Variants in SERPIND1 observed in about 807,000 individuals in gnomAD.
The protein encoded by SERPIND1 is heparin cofactor 2.
SERPIND1 carries 34 observed loss-of-function variants against 35.0 expected under a neutral mutation model. The observed-to-expected ratio is 0.97, with a 90% confidence interval of 0.74 to 1.29. The LOEUF (loss-of-function observed/expected upper bound fraction) is 1.29, where lower values mean the gene tolerates loss of function less well. Ranked by LOEUF, SERPIND1 falls within the 50% of genes most tolerant of loss-of-function variation. The pLI, the probability that SERPIND1 is intolerant of heterozygous loss-of-function variation, is 0.00. For synonymous variants in SERPIND1, 236 were observed against 241.1 expected, an observed-to-expected ratio of 0.98 and a Z score of 0.19; for missense variants, 633 against 637.7, an observed-to-expected ratio of 0.99 and a Z score of 0.08.
In SERPIND1 at chr22:20,787,301, G is replaced by A. The variant is rs1291009605; in HGVS notation, c.*235G>A. 1.3e-5 allele frequency: 7 copies of A among 554,030 alleles called. No individual in the cohort carries two copies. The highest frequency in any genetic ancestry group is 2.3e-5 in the Non-Finnish European group (7 of 307,742). The allele number at this position is 554,030 out of a possible 1,614,324, so 34.3% of individuals were successfully genotyped here. On this transcript the variant is annotated 3_prime_UTR_variant, in exon 5 of 5. Transcript: ENST00000215727. ...AAGTCACTGTAACTGTAGTGTGTCT[G>A]CTGTTACCTAGAGGGTCTCACCTCC...
chr22:20,784,025 C>T lies in SERPIND1; in HGVS notation c.943C>T (p.Leu315=). 1 of 1,614,152 alleles carries T rather than the reference C, an allele frequency of 6.2e-7. No individual in the cohort carries two copies. The highest frequency in any genetic ancestry group is 1.3e-5 in the African/African-American group (1 of 75,030). ...AATGACACACAACCACAACTTCCGG[C>T]TGAATGAGAGAGAGGTAGTTAAGGT... ...VEMTHNHNFR[L]NEREVVKVSM... is the part of the protein sequence containing the mutation. Residue 315 remains leucine (L), a synonymous_variant, in exon 3 of 5, where the codon CTG becomes TTG. Coordinates refer to ENST00000215727, the MANE Select transcript of SERPIND1 (RefSeq NM_000185.4).
rs144524371 is a variant in SERPIND1 at position 20,787,273 on chromosome 22, T to C, written c.*207T>C. The stretch of plus-strand genomic sequence containing the variant: ...CACAATAGCCCATGCTGTAAGCTCA[T>C]AGAAGTCACTGTAACTGTAGTGTGT... On this transcript the variant is annotated 3_prime_UTR_variant, in exon 5 of 5. Coordinates refer to ENST00000215727, the MANE Select transcript of SERPIND1 (RefSeq NM_000185.4). The C allele has an allele frequency of 9.2e-3, 5,525 of 601,660 alleles. 57 individuals carry two copies. Among genetic ancestry groups the C allele is most frequent in the Admixed American group, 0.022 (827 of 37,188 alleles). The allele number at this position is 601,660 out of a possible 1,614,324, so 37.3% of individuals were successfully genotyped here. A position where few individuals can be genotyped will look rare whatever the true frequency, so the allele number is the denominator to read the frequency against.
rs903455323 is a variant in SERPIND1 at position 20,775,293 on chromosome 22, T to C, written c.-17+1148T>C. Among the ~76,000 whole-genome samples the C allele has an allele frequency of 2.0e-5, 3 of 152,212 alleles. No individual in the cohort carries two copies. The South Asian group carries it at 6.2e-4, about 32-fold the overall frequency. ...GGATTTAATCACAACCTAGTGATAG[T>C]TTTTAAACGTCTTCTACAATGTTTG... On this transcript the variant is annotated intron_variant, in intron 1 of 4. Transcript: ENST00000215727.
In SERPIND1 at chr22:20,784,186, C is replaced by T; in HGVS notation, c.1104C>T (p.Thr368=). The T allele has an allele frequency of 1.9e-6, 3 of 1,614,122 alleles. No homozygotes were observed. The highest frequency in any genetic ancestry group is 1.7e-6 in the Non-Finnish European group (2 of 1,180,016). The change falls in exon 3 of 5, where the codon ACC becomes ACT. Residue 368 remains threonine, a synonymous_variant. Transcript: ENST00000215727. ...VVPHKMSGMK[T]LEAQLTPRVV... is the part of the protein sequence containing the mutation. ...CACACAAGATGTCTGGGATGAAGACCCTCGAAGCGCAACTGACACCCCGGG... is the reference window on the plus strand; with the variant it reads ...CACACAAGATGTCTGGGATGAAGACTCTCGAAGCGCAACTGACACCCCGGG...
intron 1 of SERPIND1, among the ~76,000 whole-genome samples, chr22:20,778,052 G>C (rs1933439856): frequency 6.6e-6 from 1 of 152,102 alleles, no homozygotes; most frequent in Non-Finnish European, 1.5e-5. Flanking sequence ...AGATTTAGTT[G>C]CTCCTGACAG....
In SERPIND1 at chr22:20,779,449, A is replaced by G. The variant is rs375630666; in HGVS notation, c.137A>G (p.Asn46Ser). The part of the protein sequence containing the change: ...QSADPQWEQL[N>S]NKNLSMPLLP... ...GCAGATCCCCAGTGGGAGCAGTTAAATAACAAAAACCTGAGCATGCCTCTT... is the reference window on the plus strand; with the variant it reads ...GCAGATCCCCAGTGGGAGCAGTTAAGTAACAAAAACCTGAGCATGCCTCTT... The change falls in exon 2 of 5, where the codon AAT becomes AGT. Residue 46 changes from asparagine to serine, a missense_variant. Transcript: ENST00000215727. 4 of 1,614,078 alleles carry G rather than the reference A, an allele frequency of 2.5e-6. No individual in the cohort carries two copies. The highest frequency in any genetic ancestry group is 1.3e-5 in the African/African-American group (1 of 74,940).
chr22:20,779,621 G>T lies in SERPIND1; in HGVS notation c.309G>T (p.Pro103=), dbSNP rs781313741. 5 of 1,614,084 alleles carry T rather than the reference G, an allele frequency of 3.1e-6. No individual in the cohort carries two copies. The highest frequency in any genetic ancestry group is 1.3e-5 in the African/African-American group (1 of 74,930). The change falls in exon 2 of 5, where the codon CCG becomes CCT. Residue 103 remains proline, a synonymous_variant. Coordinates refer to ENST00000215727, the MANE Select transcript of SERPIND1 (RefSeq NM_000185.4). ...IDIVDSLSVS[P]TDSDVSAGNI... is the part of the protein sequence containing the mutation. ...TCGTCGACAGTCTGTCAGTTTCCCC[G>T]ACAGACTCTGATGTGAGTGCTGGGA...
chr22:20,782,811 A>G (rs1933900694), intron 2 of SERPIND1, among the ~76,000 whole-genome samples: 1 of 152,130 alleles, frequency 6.6e-6, no homozygotes, highest in Non-Finnish European at 1.5e-5. Context: ...ATGTGGCCCA[A>G]ATGTCAAAAA....
At chr22:20,782,237 T>C (rs1933855227) in intron 2 of SERPIND1, among the ~76,000 whole-genome samples, 1 of 152,118 alleles carries the variant, frequency 6.6e-6, no homozygotes, top group Non-Finnish European at 1.5e-5. Context: ...CAGTGAGCCA[T>C]CCCTGCCTGC....
At position 20,780,012 on chromosome 22, in the gene SERPIND1, C is replaced by T. The variant is rs773928062; in HGVS notation, c.700C>T (p.Leu234Phe). 29 of 1,614,050 alleles carry T rather than the reference C, an allele frequency of 1.8e-5. No individual in the cohort carries two copies. Among genetic ancestry groups the T allele is most frequent in the Non-Finnish European group, 2.5e-5 (29 of 1,180,040 alleles). ...LYIQKQFPILLDFKTKVREYY... is the reference protein window; with the variant it reads ...LYIQKQFPILFDFKTKVREYY... ...TATCCAGAAGCAGTTTCCAATCCTG[C>T]TTGACTTCAAAACTAAAGTAAGAGA... The change falls in exon 2 of 5, where the codon CTT (leucine) becomes TTT (phenylalanine). Residue 234 changes from leucine to phenylalanine, a missense_variant. Physicochemically the swap from Leu to Phe is conservative, Grantham distance 22. Transcript: ENST00000215727.
intron 1 of SERPIND1, among the ~76,000 whole-genome samples, chr22:20,775,809 C>A (rs1933226673): frequency 6.6e-6 from 1 of 152,044 alleles, no homozygotes; most frequent in Non-Finnish European, 1.5e-5. Flanking sequence ...TTGATCTTAG[C>A]CAAAAGGCCA....
intron 1 of SERPIND1, among the ~76,000 whole-genome samples, chr22:20,778,848 T>A (rs1009277521): frequency 2.6e-5 from 4 of 152,190 alleles, no homozygotes; most frequent in Admixed American, 6.5e-5. Context: ...CCCCATGTGC[T>A]CTGGCAGCAT....
chr22:20,775,304 C>G (rs1054605469), intron 1 of SERPIND1, among the ~76,000 whole-genome samples: 3 of 152,182 alleles, frequency 2.0e-5, no homozygotes, highest in Non-Finnish European at 4.4e-5. Flanking sequence ...TTTTAAACGT[C>G]TTCTACAATG....
At position 20,787,221 on chromosome 22, in the gene SERPIND1, A is replaced by G; in HGVS notation, c.*155A>G. On this transcript the variant is annotated 3_prime_UTR_variant, in exon 5 of 5. Transcript: ENST00000215727. ...TGAGAGGAGCTTAGAAACGACCAAG[A>G]AGAGAGGCTTGTTGGAATCAATTCT... 2 of 709,574 alleles carry G rather than the reference A, an allele frequency of 2.8e-6. No homozygotes were observed. The highest frequency in any genetic ancestry group is 2.7e-5 in the East Asian group (1 of 37,106). 44.0% of individuals were successfully genotyped at this position (709,574 alleles called of 1,614,324 possible).
Position 20,787,175 on chromosome 22 carries a change from A to C in SERPIND1, c.*109A>C, listed in dbSNP as rs1314958697. ...CATCATTTACGTAGTTTACGCTACC[A>C]ATCTGAATTCGAGGCCCATATGAGA... On this transcript the variant is annotated 3_prime_UTR_variant, in exon 5 of 5. Transcript: ENST00000215727. 9.7e-7 allele frequency: 1 copy of C among 1,031,262 alleles called. No individual in the cohort carries two copies. The highest frequency in any genetic ancestry group is 1.9e-5 in the Admixed American group (1 of 54,052). The allele number at this position is 1,031,262 out of a possible 1,614,324, so 63.9% of individuals were successfully genotyped here.
chr22:20,786,757 G>T, intron 4 of SERPIND1, 118 bp from the exon 5 acceptor site: 2 of 1,054,798 alleles, frequency 1.9e-6, no homozygotes, highest in Admixed American at 1.8e-5. Context: ...GACCAGCTGT[G>T]ATTTCCACCT....
intron 2 of SERPIND1, among the ~76,000 whole-genome samples, chr22:20,782,768 T>G (rs1428833337): frequency 6.6e-6 from 1 of 152,146 alleles, no homozygotes; most frequent in Non-Finnish European, 1.5e-5. Context: ...CACCCTACCA[T>G]GCACAGGGCA....
At chr22:20,782,612 C>T (rs927014722) in intron 2 of SERPIND1, among the ~76,000 whole-genome samples, 5 of 152,180 alleles carry the variant, frequency 3.3e-5, no homozygotes, top group Non-Finnish European at 7.3e-5. Context: ...AGACATGGGA[C>T]AGCTCCATCC....
intron 1 of SERPIND1, 135 bp from the exon 2 acceptor site, chr22:20,779,162 T>C (rs1933540937): frequency 6.5e-7 from 1 of 1,544,986 alleles, no homozygotes; most frequent in African/African-American, 1.4e-5. Context: ...AAGTCCATGA[T>C]CCTAAAACAG....
Sources: allele counts gnomAD v4.1 joint callset (sites outside exome capture counted in the v4.1 genomes callset), GRCh38; gene constraint gnomAD v4.1.1; transcripts MANE v1.5; gene names NCBI Gene and HGNC (gene_info 2026-07-23, HGNC 2026-07-21).